The following DLG2 variants were observed in gnomAD, a reference collection of about 807,000 sequenced individuals.
The protein encoded by DLG2 is discs large MAGUK scaffold protein 2.
A neutral mutation model predicts 132.5 loss-of-function variants in DLG2; 45 were observed. The observed-to-expected ratio is 0.34, with a 90% confidence interval of 0.27 to 0.44. DLG2 has a LOEUF of 0.44. DLG2 is among the 20% of genes least tolerant of loss of function. The pLI, the probability that DLG2 is intolerant of heterozygous loss-of-function variation, is 1.00. For missense variants in DLG2, 1,045 were observed against 1,196.9 expected (o/e 0.87, Z 1.87); for synonymous variants, 424 against 419.6 (o/e 1.01, Z -0.13).
At chr11:85,417,857 A>G (rs2152990367) in intron 3 of DLG2, among the ~76,000 whole-genome samples, 1 of 151,896 alleles carries the variant, frequency 6.6e-6, no homozygotes, top group Middle Eastern at 3.4e-3. Flanking sequence ...TCTGGCTAGC[A>G]GTCTATCTAT....
chr11:84,475,746 G>C (rs1361268512), intron 7 of DLG2, among the ~76,000 whole-genome samples: 1 of 152,068 alleles, frequency 6.6e-6, no homozygotes, highest in Non-Finnish European at 1.5e-5. Flanking sequence ...AAAGAGATAG[G>C]AATGCACTGG....
intron 4 of DLG2, among the ~76,000 whole-genome samples, chr11:85,195,529 T>TG (rs1177606116): frequency 4.6e-5 from 7 of 151,050 alleles, no homozygotes; most frequent in Admixed American, 1.3e-4. Context: ...CAGTGTTTTT[T>TG]TTTTTTTTTT....
intron 15 of DLG2, among the ~76,000 whole-genome samples, chr11:83,887,308 A>T (rs1226248577): frequency 6.6e-6 from 1 of 152,184 alleles, no homozygotes; most frequent in East Asian, 1.9e-4. Context: ...CCATCAGAGA[A>T]TACTACAAAC....
intron 6 of DLG2, among the ~76,000 whole-genome samples, chr11:84,879,384 T>TTACAATTTAG (rs1257624848): frequency 6.6e-6 from 1 of 152,116 alleles, no homozygotes; most frequent in East Asian, 1.9e-4. Context: ...TTTCAGAAAC[T>TTACAATTTAG]TACAATTTAG....
intron 2 of DLG2, among the ~76,000 whole-genome samples, chr11:85,606,883 A>G (rs941069285): frequency 6.6e-6 from 1 of 152,184 alleles, no homozygotes; most frequent in Non-Finnish European, 1.5e-5. Flanking sequence ...TGAACCCACC[A>G]GAAGGAAGAA....
intron 18 of DLG2, among the ~76,000 whole-genome samples, chr11:83,779,898 T>G (rs569272370): frequency 6.6e-6 from 1 of 152,190 alleles, no homozygotes; most frequent in African/African-American, 2.4e-5. Context: ...ATGAAACTTA[T>G]GCTTCTATCT....
At chr11:84,914,615 G>C (rs1328562163) in intron 6 of DLG2, among the ~76,000 whole-genome samples, 3 of 152,158 alleles carry the variant, frequency 2.0e-5, no homozygotes, top group African/African-American at 7.2e-5. Flanking sequence ...CTCAAGTCAG[G>C]GGAACCTAAG....
At chr11:84,652,536 G>T (rs979586483) in intron 6 of DLG2, among the ~76,000 whole-genome samples, 4 of 152,114 alleles carry the variant, frequency 2.6e-5, no homozygotes, top group Non-Finnish European at 5.9e-5. Flanking sequence ...ACTGTTTATG[G>T]AATGTGTAAG....
chr11:85,487,739 A>C (rs2093462276), intron 3 of DLG2, among the ~76,000 whole-genome samples: 1 of 152,190 alleles, frequency 6.6e-6, no homozygotes, highest in Admixed American at 6.5e-5. Context: ...AGATCAAAAG[A>C]CTTAGAAAAA....
intron 15 of DLG2, among the ~76,000 whole-genome samples, chr11:83,890,455 C>G (rs948835858): frequency 1.3e-5 from 2 of 152,000 alleles, no homozygotes; most frequent in African/African-American, 2.4e-5. Flanking sequence ...CCTTCCATTC[C>G]TTTTCAGTTG....
chr11:83,679,828 G>A (rs1729476318), intron 18 of DLG2, among the ~76,000 whole-genome samples: 1 of 152,026 alleles, frequency 6.6e-6, no homozygotes, highest in African/African-American at 2.4e-5. Context: ...AGAGTGTGAG[G>A]TGCAGACAAT....
chr11:83,610,210 G>A (rs542764218), intron 19 of DLG2, among the ~76,000 whole-genome samples: 7 of 152,184 alleles, frequency 4.6e-5, no homozygotes, highest in South Asian at 2.1e-4. Context: ...AGTGGATGTC[G>A]GACAGGAAGG....
chr11:83,468,925 T>G (rs144197772), intron 25 of DLG2, among the ~76,000 whole-genome samples: 3,350 of 152,236 alleles, frequency 0.022, 110 homozygotes, highest in African/African-American at 0.076. Flanking sequence ...TAAACCTGCC[T>G]TAATAAAATC....
intron 19 of DLG2, among the ~76,000 whole-genome samples, chr11:83,618,920 G>A (rs762740175): frequency 3.3e-5 from 5 of 152,230 alleles, no homozygotes; most frequent in South Asian, 2.1e-4. Context: ...CACAATAATA[G>A]CTTATTATTT....
At chr11:84,761,424 G>T (rs1455923687) in intron 6 of DLG2, among the ~76,000 whole-genome samples, 3 of 152,096 alleles carry the variant, frequency 2.0e-5, no homozygotes, top group African/African-American at 7.2e-5. Context: ...ACTGTTCCTG[G>T]GTGTGTCTGT....
chr11:83,541,859 C>A lies in DLG2; in HGVS notation c.1941-1G>T. On this transcript the variant is annotated splice_acceptor_variant, in intron 19 of 27. Transcript: ENST00000376104. LOFTEE classifies it high-confidence loss of function. ...GCTCTTGTCGTAGTCGAACATGGCT[C>A]TGGAGGAAAGGACAAAAGAGGACAT... 6.2e-7 allele frequency: 1 copy of A among 1,600,386 alleles called. No individual in the cohort carries two copies. The highest frequency in any genetic ancestry group is 1.1e-5 in the South Asian group (1 of 88,928).
intron 11 of DLG2, among the ~76,000 whole-genome samples, chr11:84,020,215 A>G (rs1177186241): frequency 3.9e-5 from 6 of 152,162 alleles, no homozygotes; most frequent in Non-Finnish European, 5.9e-5. Flanking sequence ...AAATCCAGGT[A>G]TATATTGAAG....
rs2093459527 is a variant in DLG2 at position 83,753,793 on chromosome 11, A to G, written c.1825+32897T>C. ...GATATGGCATATATATGTCATATAT[A>G]TGATATATCATATATATCATATATA... On this transcript the variant is annotated intron_variant, in intron 18 of 27. Coordinates refer to ENST00000376104, the MANE Select transcript of DLG2 (RefSeq NM_001142699.3). Among the ~76,000 whole-genome samples, 8 of 115,870 alleles carry G rather than the reference A, an allele frequency of 6.9e-5. 1 individual carries two copies. Among genetic ancestry groups the G allele is most frequent in the African/African-American group, 3.2e-4 (7 of 22,152 alleles). 76.0% of individuals were successfully genotyped at this position (115,870 alleles called of 152,430 possible).
In DLG2 at chr11:83,839,224, T is replaced by C. The variant is rs150480411; in HGVS notation, c.1566-5454A>G. On this transcript the variant is annotated intron_variant, in intron 16 of 27. Transcript: ENST00000376104. ...TTTTAAAATATATTATTTGGAATTT[T>C]TGAAACTCAGAAGATTTAAATGCCT... is the stretch of plus-strand genomic sequence containing the variant. Among the ~76,000 whole-genome samples the C allele has an allele frequency of 1.4e-3, 207 of 152,320 alleles. 4 individuals carry two copies. The East Asian group carries it at 0.031, about 23-fold the overall frequency.
Sources: allele counts gnomAD v4.1 joint callset (sites outside exome capture counted in the v4.1 genomes callset), GRCh38; gene constraint gnomAD v4.1.1; transcripts MANE v1.5; gene names NCBI Gene and HGNC (gene_info 2026-07-23, HGNC 2026-07-21).